The following IQSEC1 variants were observed in gnomAD, a reference collection of about 807,000 sequenced individuals.
IQSEC1 encodes the protein IQ motif and SEC7 domain-containing protein 1.
A neutral mutation model predicts 91.0 loss-of-function variants in IQSEC1; 31 were observed. That is an observed-to-expected ratio of 0.34 (90% CI 0.26 to 0.46). The LOEUF is 0.46. Ranked by LOEUF, IQSEC1 falls within the 20% of genes least tolerant of loss-of-function variation. The pLI is 1.00. For synonymous variants in IQSEC1, 699 were observed against 662.6 expected (o/e 1.05, Z -0.84); for missense variants, 1,388 against 1,575.6 (o/e 0.88, Z 2.02).
intron 2 of IQSEC1, among the ~76,000 whole-genome samples, chr3:13,124,729 C>A (rs1432266130): frequency 6.6e-6 from 1 of 152,062 alleles, no homozygotes; most frequent in East Asian, 1.9e-4. Context: ...CCATCAGACC[C>A]AAGACCAGCG....
chr3:13,204,388 C>T (rs1298899559), intron 1 of IQSEC1, among the ~76,000 whole-genome samples: 4 of 152,284 alleles, frequency 2.6e-5, no homozygotes, highest in African/African-American at 9.6e-5. Flanking sequence ...CAGAGCACCG[C>T]CCCACATCGG....
intron 1 of IQSEC1, among the ~76,000 whole-genome samples, chr3:13,173,124 G>A (rs1693650791): frequency 6.6e-6 from 1 of 152,244 alleles, no homozygotes; most frequent in Non-Finnish European, 1.5e-5. Flanking sequence ...ATTTTGTGTT[G>A]ATAAAATCTG....
chr3:13,074,674 G>A (rs765513359), upstream of IQSEC1, among the ~76,000 whole-genome samples: 4 of 152,216 alleles, frequency 2.6e-5, no homozygotes, highest in Non-Finnish European at 5.9e-5. Context: ...GTTCTTGACT[G>A]CTTGAAAGCT....
chr3:13,037,656 A>AG (rs1704086209), intron 1 of IQSEC1, among the ~76,000 whole-genome samples: 1 of 152,230 alleles, frequency 6.6e-6, no homozygotes, highest in African/African-American at 2.4e-5. Context: ...CGTGGTCCAT[A>AG]CTTATAGTGG....
intron 1 of IQSEC1, chr3:12,995,132 G>C (rs917710603): frequency 6.6e-6 from 1 of 152,256 alleles, no homozygotes; most frequent in South Asian, 2.1e-4. Flanking sequence ...CGATTGGGAC[G>C]AGGCGCCCCC....
chr3:13,260,167 G>A (rs1373776502), intron 1 of IQSEC1, among the ~76,000 whole-genome samples: 2 of 152,208 alleles, frequency 1.3e-5, no homozygotes, highest in Non-Finnish European at 2.9e-5. Flanking sequence ...GTGAAAGCGT[G>A]GAGGAGGAAG....
intron 2 of IQSEC1, among the ~76,000 whole-genome samples, chr3:13,079,457 C>T (rs138030701): frequency 8.5e-5 from 13 of 152,292 alleles, no homozygotes; most frequent in South Asian, 4.1e-4. Flanking sequence ...TTCTGGTTGC[C>T]GCTTCTTTAA....
chr3:12,901,249 G>A lies in IQSEC1; in HGVS notation c.3079C>T (p.His1027Tyr). 1 of 1,548,540 alleles carries A rather than the reference G, an allele frequency of 6.5e-7. No homozygotes were observed. Among genetic ancestry groups the A allele is most frequent in the Admixed American group, 2.0e-5 (1 of 50,932 alleles). The change falls in exon 14 of 14, where the codon CAT (histidine) becomes TAT (tyrosine). Residue 1027 changes from histidine to tyrosine, a missense_variant. By Grantham distance (83) the His-to-Tyr change is moderately conservative (BLOSUM62 2). Coordinates refer to ENST00000613206, the MANE Select transcript of IQSEC1 (RefSeq NM_001134382.3). ...TGCATGTGGCAGTACTGGGTGTGATGCCCGTGCATGGCGGCCTGCGGCAGC... is the reference window on the plus strand; with the variant it reads ...TGCATGTGGCAGTACTGGGTGTGATACCCGTGCATGGCGGCCTGCGGCAGC... Reference protein sequence around the residue: ...EGLPQAAMHGHHTQYCHMQNP... With the variant: ...EGLPQAAMHGYHTQYCHMQNP...
In IQSEC1 at chr3:12,936,542, C is replaced by A; in HGVS notation, c.474G>T (p.Leu158=). Residue 158 remains leucine (L), a synonymous_variant, in exon 3 of 14, where the codon CTG becomes CTT. Transcript: ENST00000613206. ...AGGAGAACTGCATCCTCATGTTGGA[C>A]AGCACAATCCGGCGTGACATGCGGT... ...SENRMSRRIV[L]SNMRMQFSFE... is the part of the protein sequence containing the mutation. 6.2e-7 allele frequency: 1 copy of A among 1,613,500 alleles called. No individual in the cohort carries two copies. Among genetic ancestry groups the A allele is most frequent in the South Asian group, 1.1e-5 (1 of 91,084 alleles).
At chr3:13,147,412 G>A (rs1411760191) in intron 2 of IQSEC1, among the ~76,000 whole-genome samples, 5 of 151,784 alleles carry the variant, frequency 3.3e-5, no homozygotes. Flanking sequence ...TGAGAACATG[G>A]CAGTTTTTGT....
chr3:13,012,964 C>CTTTTTTTTTTT (rs35541458), intron 1 of IQSEC1, among the ~76,000 whole-genome samples: 1,868 of 97,316 alleles, frequency 0.019, 223 homozygotes, highest in African/African-American at 0.041. Context: ...AAAGTCTGGG[C>CTTTTTTTTTTT]TTTTTTTTTT....
Position 12,901,120 on chromosome 3 carries a change from C to A in IQSEC1, c.3208G>T (p.Gly1070Trp), listed in dbSNP as rs777987415. ...HGPHGGHPAY[G>W]AHAHGHPPLP... ...GGCGGGTGGCCGTGGGCATGGGCCC[C>A]GTAGGCTGGGTGGCCCCCATGGGGG... Residue 1070 changes from glycine to tryptophan, a missense_variant, in exon 14 of 14, where the codon GGG (glycine) becomes TGG (tryptophan). By Grantham distance (184) the Gly-to-Trp change is radical. This residue lies in a region of IQSEC1 where 329 missense variants were observed against 257.8 expected (regional missense o/e 1.28). Coordinates refer to ENST00000613206, the MANE Select transcript of IQSEC1 (RefSeq NM_001134382.3). The A allele has an allele frequency of 2.6e-6, 4 of 1,540,826 alleles. No homozygotes were observed. In the South Asian group the frequency reaches 4.8e-5, roughly 18 times the overall value.
intron 2 of IQSEC1, among the ~76,000 whole-genome samples, chr3:13,145,971 G>A (rs1304976979): frequency 1.3e-5 from 2 of 152,158 alleles, no homozygotes; most frequent in Non-Finnish European, 2.9e-5. Flanking sequence ...GGCGGGTGCA[G>A]ACCCTGCACT....
At chr3:12,930,851 C>T (rs1697606431) in intron 3 of IQSEC1, among the ~76,000 whole-genome samples, 1 of 152,130 alleles carries the variant, frequency 6.6e-6, no homozygotes, top group Admixed American at 6.5e-5. Flanking sequence ...CTGTTAACTG[C>T]TTGTGGGGGT....
chr3:13,147,118 T>C lies in IQSEC1; in HGVS notation c.302+16986A>G, dbSNP rs57212539. 5.4e-3 allele frequency among the ~76,000 whole-genome samples: 827 copies of C among 152,300 alleles called. 13 individuals carry two copies. The highest frequency in any genetic ancestry group is 0.019 in the African/African-American group (792 of 41,566). ...GGAGAGCCCAGGGGCTAGCCAGGGA[T>C]GAGGCCTGCCCATGCCAAGCCACTG... is the stretch of plus-strand genomic sequence containing the variant. On this transcript the variant is annotated intron_variant, in intron 2 of 15. Transcript: ENST00000648114.
intron 1 of IQSEC1, among the ~76,000 whole-genome samples, chr3:12,996,197 G>T (rs1456725598): frequency 6.6e-6 from 1 of 152,106 alleles, no homozygotes; most frequent in Non-Finnish European, 1.5e-5. Flanking sequence ...GCAGTTAAGG[G>T]AAGATAAGAT....
intron 1 of IQSEC1, among the ~76,000 whole-genome samples, chr3:12,954,163 A>ACATAAAGAGTACCCCC: frequency 6.6e-6 from 1 of 152,254 alleles, no homozygotes; most frequent in Admixed American, 6.5e-5. Flanking sequence ...TCGCTCCCAA[A>ACATAAAGAGTACCCCC]CATAAAGAGT....
At chr3:13,139,527 C>G (rs762075172) in intron 2 of IQSEC1, among the ~76,000 whole-genome samples, 3 of 152,212 alleles carry the variant, frequency 2.0e-5, no homozygotes, top group Admixed American at 6.5e-5. Flanking sequence ...ACCTGCAGGT[C>G]TCATCCTGCT....
Position 13,174,839 on chromosome 3 carries a change from C to A in IQSEC1, c.273-10706G>T, listed in dbSNP as rs111320059. 2.8e-3 allele frequency among the ~76,000 whole-genome samples: 426 copies of A among 151,676 alleles called. 4 individuals carry two copies. Among genetic ancestry groups the A allele is most frequent in the African/African-American group, 9.4e-3 (388 of 41,396 alleles). On this transcript the variant is annotated intron_variant, in intron 1 of 15. Transcript: ENST00000648114. ...CCACTGGTGGTCTTTCTGCTCCCCC[C>A]CCCCACCTCCTCCCACCACTGTCTC...
Sources: allele counts gnomAD v4.1 joint callset (sites outside exome capture counted in the v4.1 genomes callset), GRCh38; gene constraint gnomAD v4.1.1; regional missense constraint gnomAD v4.1.1; transcripts MANE v1.5; gene names NCBI Gene and HGNC (gene_info 2026-07-23, HGNC 2026-07-21).